Variants in POLB observed in about 807,000 individuals in gnomAD.
POLB encodes 5'-dRP lyase.
POLB carries 37 observed loss-of-function variants against 52.7 expected under a neutral mutation model. The observed-to-expected ratio is 0.70, with a 90% CI of 0.54 to 0.92. The LOEUF (loss-of-function observed/expected upper bound fraction) is 0.92, where lower values mean the gene tolerates loss of function less well. Among genes scored for constraint, POLB ranks in the 40% least tolerant of loss-of-function variants. The pLI is 0.00. For missense variants in POLB, 313 were observed against 400.8 expected (o/e 0.78, Z 1.87); for synonymous variants, 138 against 131.3 (o/e 1.05, Z -0.35).
intron 13 of POLB, among the ~76,000 whole-genome samples, chr8:42,370,518 A>G (rs1824316776): frequency 6.6e-6 from 1 of 151,884 alleles, no homozygotes; most frequent in Non-Finnish European, 1.5e-5. Context: ...CTCAAAGTAT[A>G]AAATACTTTG....
chr8:42,349,639 C>T (rs1417680479), intron 4 of POLB, among the ~76,000 whole-genome samples: 3 of 152,194 alleles, frequency 2.0e-5, no homozygotes, highest in Admixed American at 6.5e-5. Context: ...CTGCCCGCCT[C>T]GGCCTCCCAA....
chr8:42,355,126 C>T (rs372691668), intron 6 of POLB, among the ~76,000 whole-genome samples: 17 of 151,894 alleles, frequency 1.1e-4, no homozygotes, highest in Non-Finnish European at 1.6e-4. Flanking sequence ...GCAGCTTCCA[C>T]CTCCCAGGTT....
chr8:42,345,036 T>C lies in POLB; in HGVS notation c.186+17T>C. On this transcript the variant is annotated intron_variant, in intron 3 of 13. Transcript: ENST00000265421. Reference sequence around the variant, plus strand: ...AAGAAATTGGTAAGTTTAGTTAGCATGTTGATCGAAGAGTTCACACGTGTC... The same window carrying C: ...AAGAAATTGGTAAGTTTAGTTAGCACGTTGATCGAAGAGTTCACACGTGTC... 6.3e-7 allele frequency: 1 copy of C among 1,579,220 alleles called. No homozygotes were observed. The highest frequency in any genetic ancestry group is 8.7e-7 in the Non-Finnish European group (1 of 1,148,256).
At chr8:42,349,915 A>C in intron 4 of POLB, 92 bp from the exon 5 acceptor site, 5 of 863,954 alleles carry the variant, frequency 5.8e-6, no homozygotes, top group South Asian at 1.4e-5. Context: ...ATAGCTCTTC[A>C]TGTCTTTTAG....
intron 5 of POLB, among the ~76,000 whole-genome samples, chr8:42,352,007 T>C (rs932416739): frequency 2.6e-5 from 4 of 152,254 alleles, no homozygotes; most frequent in African/African-American, 9.6e-5. Context: ...CCTAGATAGC[T>C]GGTTCTTTAG....
intron 6 of POLB, among the ~76,000 whole-genome samples, chr8:42,353,088 G>T (rs1175829037): frequency 6.6e-6 from 1 of 150,912 alleles, no homozygotes; most frequent in South Asian, 2.1e-4. Context: ...AAAAAAAGAA[G>T]AAGACCAAGA....
intron 6 of POLB, 85 bp from the exon 7 acceptor site, chr8:42,355,431 T>C: frequency 2.7e-6 from 2 of 752,244 alleles, no homozygotes; most frequent in Non-Finnish European, 4.6e-6. Context: ...CAGGTGGTTC[T>C]TTATAAAAAG....
At chr8:42,343,369 T>TATATATATATATAC (rs761101423) in intron 2 of POLB, among the ~76,000 whole-genome samples, 2 of 36,288 alleles carry the variant, frequency 5.5e-5, no homozygotes, top group African/African-American at 1.1e-4. Flanking sequence ...TATATATATA[T>TATATATATATATAC]ACACAAAATT....
At chr8:42,354,111 G>T (rs2130812325) in intron 6 of POLB, among the ~76,000 whole-genome samples, 1 of 152,278 alleles carries the variant, frequency 6.6e-6, no homozygotes, top group East Asian at 1.9e-4. Flanking sequence ...CATCTCTTGG[G>T]AGTGTCAAGG....
intron 2 of POLB, among the ~76,000 whole-genome samples, chr8:42,340,692 T>A (rs1005363608): frequency 6.6e-6 from 1 of 152,228 alleles, no homozygotes; most frequent in Admixed American, 6.5e-5. Context: ...TGTGTATCAC[T>A]GGACTTTTTT....
At chr8:42,343,385 G>T in intron 2 of POLB, among the ~76,000 whole-genome samples, 1 of 89,860 alleles carries the variant, frequency 1.1e-5, no homozygotes. Context: ...AAATTAGCCA[G>T]GTGTGGTAGC....
intron 3 of POLB, among the ~76,000 whole-genome samples, chr8:42,347,957 C>A (rs1822738574): frequency 6.6e-6 from 1 of 151,946 alleles, no homozygotes; most frequent in Non-Finnish European, 1.5e-5. Flanking sequence ...TTTTTCAATA[C>A]ACATGAAAAA....
chr8:42,357,493 A>G, intron 9 of POLB, 101 bp downstream of exon 9: 1 of 707,044 alleles, frequency 1.4e-6, no homozygotes, highest in Non-Finnish European at 2.6e-6. Context: ...GTGGTACTTC[A>G]TAGACTCACT....
chr8:42,360,501 G>A (rs1012871137), intron 9 of POLB, among the ~76,000 whole-genome samples: 1 of 152,044 alleles, frequency 6.6e-6, no homozygotes, highest in Non-Finnish European at 1.5e-5. Flanking sequence ...TTACACAATA[G>A]CATATGAAGT....
intron 2 of POLB, among the ~76,000 whole-genome samples, chr8:42,344,008 G>A (rs1216800823): frequency 2.0e-5 from 3 of 151,746 alleles, no homozygotes; most frequent in Admixed American, 2.0e-4. Context: ...GCGCATGCCT[G>A]TAATCCCAGC....
chr8:42,371,761 T>C lies in POLB; in HGVS notation c.*104T>C. 1 of 696,366 alleles carries C rather than the reference T, an allele frequency of 1.4e-6. No individual in the cohort carries two copies. Among genetic ancestry groups the C allele is most frequent in the Non-Finnish European group, 2.6e-6 (1 of 382,954 alleles). 43.1% of individuals were successfully genotyped at this position (696,366 alleles called of 1,614,324 possible). On this transcript the variant is annotated 3_prime_UTR_variant, in exon 14 of 14. Transcript: ENST00000265421. ...GGTGTTTTTAAATGATTGTTTCTTC[T>C]TCATGCTTTTGCTTGCAATGTAGTC...
intron 5 of POLB, among the ~76,000 whole-genome samples, chr8:42,352,056 T>C (rs910689998): frequency 3.9e-5 from 6 of 152,226 alleles, no homozygotes; most frequent in Admixed American, 3.9e-4. Flanking sequence ...TCAGAGACCT[T>C]CTACCACTCA....
At chr8:42,352,069 C>CT (rs1585887378) in intron 5 of POLB, among the ~76,000 whole-genome samples, 1 of 152,324 alleles carries the variant, frequency 6.6e-6, no homozygotes, top group East Asian at 1.9e-4. Context: ...ACCACTCAGT[C>CT]TAAAGTAGGA....
chr8:42,358,615 G>A (rs549465617), intron 9 of POLB, among the ~76,000 whole-genome samples: 109 of 152,342 alleles, frequency 7.2e-4, no homozygotes, highest in African/African-American at 2.5e-3. Context: ...CTGGCCACCT[G>A]TGGAGTTTTG....
Sources: allele counts gnomAD v4.1 joint callset (sites outside exome capture counted in the v4.1 genomes callset), GRCh38; gene constraint gnomAD v4.1.1; transcripts MANE v1.5; gene names NCBI Gene and HGNC (gene_info 2026-07-23, HGNC 2026-07-21).